The following PELI1 variants were observed in gnomAD, a reference collection of about 807,000 sequenced individuals.
PELI1 encodes pellino E3 ubiquitin protein ligase 1, also known as E3 ubiquitin-protein ligase pellino homolog 1.
PELI1 carries 15 observed loss-of-function variants against 41.3 expected under a neutral mutation model. That is an observed-to-expected ratio of 0.36 (90% CI 0.24 to 0.56). The LOEUF is 0.56. PELI1 is among the 20% of genes least tolerant of loss of function. The pLI is 0.82. For synonymous variants in PELI1, 178 were observed against 180.1 expected (o/e 0.99, Z 0.09); for missense variants, 403 against 525.5 (o/e 0.77, Z 2.28).
At position 64,105,417 on chromosome 2, in the gene PELI1, C is replaced by T. The variant is rs551447171; in HGVS notation, c.72-587G>A. The stretch of plus-strand genomic sequence containing the variant: ...ACTTTTGTTGTTCAGATCTTATGAC[C>T]ATTTCTCCATAACATGTACACATAC... On this transcript the variant is annotated intron_variant, in intron 2 of 6. Transcript: ENST00000358912. 1.2e-4 allele frequency among the ~76,000 whole-genome samples: 19 copies of T among 152,202 alleles called. No individual in the cohort carries two copies. The East Asian group carries it at 3.5e-3, about 28-fold the overall frequency.
At chr2:64,142,697 C>T (rs1681951596) in intron 1 of PELI1, among the ~76,000 whole-genome samples, 1 of 152,052 alleles carries the variant, frequency 6.6e-6, no homozygotes. Context: ...ATAAAGAAAA[C>T]GCATCGTAAA....
intron 1 of PELI1, among the ~76,000 whole-genome samples, 165 bp downstream of exon 1, chr2:64,143,916 C>A (rs1029219156): frequency 5.9e-5 from 9 of 151,340 alleles, no homozygotes; most frequent in African/African-American, 2.2e-4. Flanking sequence ...GGGATGCAGG[C>A]GCCGCAAACT....
At chr2:64,136,158 T>C (rs898086719) in intron 1 of PELI1, among the ~76,000 whole-genome samples, 5 of 151,916 alleles carry the variant, frequency 3.3e-5, no homozygotes, top group South Asian at 2.1e-4. Flanking sequence ...GTCATCATCA[T>C]AGAAGTTCAA....
intron 3 of PELI1, among the ~76,000 whole-genome samples, chr2:64,100,761 C>T (rs1280254674): frequency 6.6e-6 from 1 of 152,048 alleles, no homozygotes; most frequent in Non-Finnish European, 1.5e-5. Flanking sequence ...GAGTCTTGCT[C>T]TGTTGCCTAG....
intron 1 of PELI1, among the ~76,000 whole-genome samples, chr2:64,126,700 C>T (rs932089102): frequency 2.6e-5 from 4 of 151,716 alleles, no homozygotes; most frequent in African/African-American, 9.7e-5. Flanking sequence ...TACCGTAAGA[C>T]TTCAAAGAAA....
intron 1 of PELI1, among the ~76,000 whole-genome samples, chr2:64,121,869 C>G (rs1206278045): frequency 1.4e-5 from 2 of 147,614 alleles, no homozygotes; most frequent in Non-Finnish European, 3.0e-5. Flanking sequence ...CACGCCATGG[C>G]ACTCCAGCCT....
At chr2:64,136,496 A>G (rs1359662164) in intron 1 of PELI1, among the ~76,000 whole-genome samples, 1 of 152,234 alleles carries the variant, frequency 6.6e-6, no homozygotes, top group Non-Finnish European at 1.5e-5. Context: ...AAGCTTTGTT[A>G]AAGTATTCCT....
chr2:64,131,676 A>G (rs982787677), intron 1 of PELI1, among the ~76,000 whole-genome samples: 1 of 151,646 alleles, frequency 6.6e-6, no homozygotes, highest in East Asian at 1.9e-4. Flanking sequence ...GCTAGAGTGC[A>G]GTGGTGCCAT....
rs1321164554 is a variant in PELI1, at chr2:64,144,278, G to T, written c.-267C>A. ...AGCCGCGGACGCAGGGAGAGGCGTT[G>T]GGGCTGCTTTGTGGTGCGCTCCCGG... On this transcript the variant is annotated 5_prime_UTR_variant, in exon 1 of 7. Transcript: ENST00000358912. 6.6e-6 allele frequency: 1 copy of T among 152,250 alleles called. No individual in the cohort carries two copies. The highest frequency in any genetic ancestry group is 6.5e-5 in the Admixed American group (1 of 15,286). 9.4% of individuals were successfully genotyped at this position (152,250 alleles called of 1,614,324 possible). A position where few individuals can be genotyped will look rare whatever the true frequency, so the allele number is the denominator to read the frequency against.
At chr2:64,128,655 G>T (rs1199290570) in intron 1 of PELI1, among the ~76,000 whole-genome samples, 1 of 152,048 alleles carries the variant, frequency 6.6e-6, no homozygotes, top group African/African-American at 2.4e-5. Context: ...TGTTATCTTT[G>T]TCCTAATTAT....
chr2:64,136,500 T>A (rs1681721360), intron 1 of PELI1, among the ~76,000 whole-genome samples: 1 of 152,246 alleles, frequency 6.6e-6, no homozygotes, highest in Non-Finnish European at 1.5e-5. Flanking sequence ...TTTGTTAAAG[T>A]ATTCCTTACA....
intron 4 of PELI1, 25 bp from the exon 5 acceptor site, chr2:64,096,635 T>G: frequency 6.6e-7 from 1 of 1,508,914 alleles, no homozygotes; most frequent in Admixed American, 1.7e-5. Flanking sequence ...AAAATACCTA[T>G]AAACCCATTC....
At chr2:64,107,048 C>A (rs982538036) in intron 2 of PELI1, among the ~76,000 whole-genome samples, 1 of 152,144 alleles carries the variant, frequency 6.6e-6, no homozygotes. Context: ...CCTGCCCCAG[C>A]CTCCCAAGTA....
rs1217357923 is a variant in PELI1, at chr2:64,093,669, A to G, written c.*1033T>C. 2.6e-5 allele frequency: 4 copies of G among 152,674 alleles called. No homozygotes were observed. Among genetic ancestry groups the G allele is most frequent in the Non-Finnish European group, 5.9e-5 (4 of 68,040 alleles). 9.5% of individuals were successfully genotyped at this position (152,674 alleles called of 1,614,324 possible). ...AAAAACGGGGGCACTATTGTCATTC[A>G]ACCCTTTAGATCTCTAGATTTCCTA... is the stretch of plus-strand genomic sequence containing the variant. On this transcript the variant is annotated 3_prime_UTR_variant, in exon 7 of 7. Coordinates refer to ENST00000358912, the MANE Select transcript of PELI1 (RefSeq NM_020651.4).
intron 1 of PELI1, among the ~76,000 whole-genome samples, chr2:64,120,882 C>T (rs915996984): frequency 6.6e-6 from 1 of 152,190 alleles, no homozygotes; most frequent in Non-Finnish European, 1.5e-5. Context: ...TTCTGGTTCA[C>T]AGTAAGGCTA....
chr2:64,135,394 C>T (rs182427122), intron 1 of PELI1, among the ~76,000 whole-genome samples: 1 of 152,154 alleles, frequency 6.6e-6, no homozygotes, highest in Admixed American at 6.5e-5. Context: ...CAGAAATAGG[C>T]AAGGAAAGTT....
At chr2:64,099,626 T>C (rs944889687) in intron 4 of PELI1, among the ~76,000 whole-genome samples, 2 of 152,308 alleles carry the variant, frequency 1.3e-5, no homozygotes, top group African/African-American at 4.8e-5. Context: ...TTCACTTTTA[T>C]TTGCCTTGTA....
At chr2:64,128,746 T>G (rs954901033) in intron 1 of PELI1, among the ~76,000 whole-genome samples, 1 of 152,206 alleles carries the variant, frequency 6.6e-6, no homozygotes, top group African/African-American at 2.4e-5. Flanking sequence ...TTCATGCAGA[T>G]TTAAATTCTC....
At chr2:64,126,196 A>G (rs2103727348) in intron 1 of PELI1, among the ~76,000 whole-genome samples, 1 of 152,042 alleles carries the variant, frequency 6.6e-6, no homozygotes, top group East Asian at 1.9e-4. Context: ...ACGGAGTCTC[A>G]CTCTGTTGCC....
Sources: gnomAD v4.1 joint callset for allele counts (sites outside exome capture counted in the v4.1 genomes callset) on GRCh38, gnomAD v4.1.1 for gene constraint, MANE v1.5 for transcripts, NCBI Gene and HGNC (gene_info 2026-07-23, HGNC 2026-07-21) for gene names.